The following PDE4B variants were observed in gnomAD, a reference collection of about 807,000 sequenced individuals.
PDE4B encodes the protein 3',5'-cyclic-AMP phosphodiesterase 4B.
Under a neutral mutation model 82.2 loss-of-function variants are expected in PDE4B, and 20 were observed. That is an observed-to-expected ratio of 0.24 (90% CI 0.17 to 0.35). The LOEUF (loss-of-function observed/expected upper bound fraction) is 0.35, where lower values mean the gene tolerates loss of function less well. PDE4B is among the 10% of genes least tolerant of loss of function. PDE4B has a pLI of 1.00. For missense variants in PDE4B, 655 were observed against 907.2 expected (o/e 0.72, Z 3.57); for synonymous variants, 320 against 318.9 (o/e 1.00, Z -0.04).
rs370022287 is a variant in PDE4B, at chr1:66,322,955, G to A, written c.635-9553G>A. 5.3e-5 allele frequency among the ~76,000 whole-genome samples: 8 copies of A among 152,184 alleles called. No individual in the cohort carries two copies. In the South Asian group the frequency reaches 6.2e-4, roughly 12 times the overall value. On this transcript the variant is annotated intron_variant, in intron 7 of 16. Transcript: ENST00000341517. Reference sequence around the variant, plus strand: ...AATGGCAAAGCCAGATATCAAACTCGTGTATGTCTTCCTGTAGATATGGGG... The same window carrying A: ...AATGGCAAAGCCAGATATCAAACTCATGTATGTCTTCCTGTAGATATGGGG...
intron 1 of PDE4B, among the ~76,000 whole-genome samples, chr1:65,815,342 T>C (rs1645870710): frequency 6.6e-6 from 1 of 152,084 alleles, no homozygotes; most frequent in African/African-American, 2.4e-5. Flanking sequence ...GATGATTAAG[T>C]TGGTGTTTCA....
chr1:65,958,751 C>CAT (rs1491088579), intron 3 of PDE4B, among the ~76,000 whole-genome samples: 4 of 145,514 alleles, frequency 2.7e-5, no homozygotes, highest in East Asian at 3.9e-4. Context: ...CACACACACG[C>CAT]GCGCGCGCGC....
intron 1 of PDE4B, among the ~76,000 whole-genome samples, chr1:65,845,239 T>C (rs1646255658): frequency 6.6e-6 from 1 of 152,178 alleles, no homozygotes; most frequent in Non-Finnish European, 1.5e-5. Flanking sequence ...CAGTTATAAA[T>C]AATTGTAAAT....
At chr1:65,906,640 A>T (rs1647031054) in intron 1 of PDE4B, among the ~76,000 whole-genome samples, 1 of 152,162 alleles carries the variant, frequency 6.6e-6, no homozygotes, top group Non-Finnish European at 1.5e-5. Context: ...ACATGGGGTT[A>T]GTTTGTCACT....
intron 3 of PDE4B, among the ~76,000 whole-genome samples, chr1:66,235,211 A>G (rs1376676589): frequency 6.6e-6 from 1 of 152,202 alleles, no homozygotes; most frequent in East Asian, 1.9e-4. Context: ...CACTTGAAAA[A>G]ATGTCTATCT....
chr1:65,844,654 C>G (rs1471811046), intron 1 of PDE4B, among the ~76,000 whole-genome samples: 2 of 152,044 alleles, frequency 1.3e-5, no homozygotes, highest in Admixed American at 1.3e-4. Context: ...TGTTTAGTGA[C>G]CAAAACCAAA....
intron 3 of PDE4B, among the ~76,000 whole-genome samples, chr1:66,000,287 ATAGTGTACAT>A: frequency 6.6e-6 from 1 of 152,342 alleles, no homozygotes; most frequent in South Asian, 2.1e-4. Context: ...AAATATTTAC[ATAGTGTACAT>A]TAGAATGCTT....
intron 3 of PDE4B, among the ~76,000 whole-genome samples, chr1:66,197,354 G>T (rs1648410544): frequency 6.6e-6 from 1 of 152,062 alleles, no homozygotes; most frequent in South Asian, 2.1e-4. Context: ...GCTTAACAGA[G>T]ATAAATCAAC....
intron 1 of PDE4B, among the ~76,000 whole-genome samples, chr1:65,891,675 GT>G (rs1298982098): frequency 1.3e-5 from 2 of 152,026 alleles, no homozygotes; most frequent in Non-Finnish European, 2.9e-5. Context: ...TGATATTTCA[GT>G]GCTTTAATGG....
At chr1:66,141,592 G>T (rs1646173994) in intron 3 of PDE4B, among the ~76,000 whole-genome samples, 1 of 151,984 alleles carries the variant, frequency 6.6e-6, no homozygotes, top group Non-Finnish European at 1.5e-5. Flanking sequence ...GTCTCAGAAA[G>T]CCTCCTCAGA....
chr1:65,908,067 G>C (rs1308661959), intron 1 of PDE4B, among the ~76,000 whole-genome samples: 1 of 152,102 alleles, frequency 6.6e-6, no homozygotes, highest in African/African-American at 2.4e-5. Flanking sequence ...TTGGAGAAGT[G>C]CGTTATTGGC....
intron 8 of PDE4B, among the ~76,000 whole-genome samples, chr1:66,342,168 C>G (rs531210506): frequency 2.0e-5 from 3 of 152,024 alleles, no homozygotes; most frequent in Non-Finnish European, 2.9e-5. Flanking sequence ...GAAAATGACT[C>G]GAGGAATTGA....
chr1:65,935,615 A>T (rs1470039264), intron 3 of PDE4B, among the ~76,000 whole-genome samples: 1 of 152,202 alleles, frequency 6.6e-6, no homozygotes, highest in Non-Finnish European at 1.5e-5. Flanking sequence ...AATTAAAAAA[A>T]CTTCTTAACT....
chr1:66,178,202 A>G (rs1479976607), intron 3 of PDE4B, among the ~76,000 whole-genome samples: 1 of 152,056 alleles, frequency 6.6e-6, no homozygotes. Flanking sequence ...AATTTATTAT[A>G]TTGTTTTTAA....
At chr1:65,841,168 C>T (rs1271302007) in intron 1 of PDE4B, among the ~76,000 whole-genome samples, 2 of 152,072 alleles carry the variant, frequency 1.3e-5, no homozygotes, top group Admixed American at 6.6e-5. Context: ...TGTGGTGGCA[C>T]ATGCCTGTAA....
chr1:66,348,223 G>A (rs527291472), intron 8 of PDE4B, among the ~76,000 whole-genome samples: 64 of 152,244 alleles, frequency 4.2e-4, no homozygotes, highest in Admixed American at 1.0e-3. Flanking sequence ...AATATTAGCC[G>A]TTATACCTGT....
intron 3 of PDE4B, among the ~76,000 whole-genome samples, chr1:65,970,751 G>A (rs192379848): frequency 6.6e-6 from 1 of 152,092 alleles, no homozygotes; most frequent in East Asian, 1.9e-4. Flanking sequence ...AATACACTGG[G>A]GAAGAAAGGA....
At chr1:65,855,717 C>T (rs1336552651) in intron 1 of PDE4B, among the ~76,000 whole-genome samples, 1 of 152,166 alleles carries the variant, frequency 6.6e-6, no homozygotes, top group African/African-American at 2.4e-5. Context: ...TACCTCTTCT[C>T]TATAACTCTA....
intron 3 of PDE4B, among the ~76,000 whole-genome samples, chr1:66,217,112 T>C (rs2101592992): frequency 6.6e-6 from 1 of 152,062 alleles, no homozygotes; most frequent in South Asian, 2.1e-4. Flanking sequence ...AATGGAGTGG[T>C]TTGTAGTGGT....
Sources: gnomAD v4.1 joint callset for allele counts (sites outside exome capture counted in the v4.1 genomes callset) on GRCh38, gnomAD v4.1.1 for gene constraint, MANE v1.5 for transcripts, NCBI Gene and HGNC (gene_info 2026-07-23, HGNC 2026-07-21) for gene names.